The following CTNNA2 variants were observed in gnomAD, a reference collection of about 807,000 sequenced individuals.
The protein encoded by CTNNA2 is catenin alpha-2.
In CTNNA2, 42 loss-of-function variants were observed where a neutral mutation model predicts 101.0. The observed-to-expected ratio is 0.42, with a 90% CI of 0.32 to 0.54. The LOEUF (loss-of-function observed/expected upper bound fraction) is 0.54, where lower values mean the gene tolerates loss of function less well. CTNNA2 is among the 20% of genes least tolerant of loss of function. CTNNA2 has a pLI of 0.14. For missense variants in CTNNA2, 871 were observed against 1,223.1 expected (o/e 0.71, Z 4.29); for synonymous variants, 450 against 456.4 (o/e 0.99, Z 0.18).
At chr2:80,016,318 G>A (rs1694141478) in intron 7 of CTNNA2, among the ~76,000 whole-genome samples, 1 of 152,154 alleles carries the variant, frequency 6.6e-6, no homozygotes, top group Non-Finnish European at 1.5e-5. Flanking sequence ...TTGGAAGGCA[G>A]GGCGACAGTG....
intron 2 of CTNNA2, among the ~76,000 whole-genome samples, chr2:79,243,001 C>CACACACAT (rs748540802): frequency 0.077 from 9,433 of 121,972 alleles, 506 homozygotes; most frequent in Non-Finnish European, 0.11. Context: ...TATACACACA[C>CACACACAT]ACACACACAC....
At chr2:79,917,191 C>G (rs1021048064) in intron 7 of CTNNA2, among the ~76,000 whole-genome samples, 1 of 151,998 alleles carries the variant, frequency 6.6e-6, no homozygotes, top group African/African-American at 2.4e-5. Context: ...CCTGCCTCAG[C>G]CTGCCGAGTA....
intron 11 of CTNNA2, among the ~76,000 whole-genome samples, chr2:80,555,480 G>A (rs1692951135): frequency 6.6e-6 from 1 of 152,188 alleles, no homozygotes; most frequent in Non-Finnish European, 1.5e-5. Context: ...GGCACCTAGC[G>A]ATCTATGTGA....
chr2:80,565,752 T>C (rs1417379787), intron 12 of CTNNA2, among the ~76,000 whole-genome samples: 3 of 152,150 alleles, frequency 2.0e-5, no homozygotes, highest in Admixed American at 2.0e-4. Context: ...ATAATGTATT[T>C]GTGTTATTTA....
intron 8 of CTNNA2, among the ~76,000 whole-genome samples, chr2:80,417,424 G>A (rs959585116): frequency 6.6e-6 from 1 of 151,474 alleles, no homozygotes; most frequent in African/African-American, 2.4e-5. Context: ...GGACCCCCTG[G>A]TAGCCCTGTA....
rs146589440 is a variant in CTNNA2 at position 80,278,555 on chromosome 2, C to T, written c.1057-114656C>T. On this transcript the variant is annotated intron_variant, in intron 7 of 18. Transcript: ENST00000402739. ...AGGATTCCCAGGAGCAGCCAGAAGG[C>T]ATATCCTGCTGCACAAGTGTTTTCC... Among the ~76,000 whole-genome samples the T allele has an allele frequency of 2.8e-4, 43 of 152,202 alleles. No homozygotes were observed. In the East Asian group the frequency reaches 7.4e-3, roughly 26 times the overall value.
intron 7 of CTNNA2, among the ~76,000 whole-genome samples, chr2:80,275,574 A>G (rs935295495): frequency 2.0e-5 from 3 of 152,168 alleles, no homozygotes; most frequent in Non-Finnish European, 4.4e-5. Flanking sequence ...AGTAATGAAA[A>G]AGGAGTTGTT....
In CTNNA2 at chr2:79,852,647, A is replaced by G. The variant is rs1398984846; in HGVS notation, c.299-5366A>G. On this transcript the variant is annotated intron_variant, in intron 3 of 18. Transcript: ENST00000402739. ...TCACTCCGTCACCAGGCTGGAGTACAGTGGCACAATCTCTGCTCACTGCAA... is the reference window on the plus strand; with the variant it reads ...TCACTCCGTCACCAGGCTGGAGTACGGTGGCACAATCTCTGCTCACTGCAA... 2.6e-5 allele frequency among the ~76,000 whole-genome samples: 4 copies of G among 152,380 alleles called. No individual in the cohort carries two copies. The South Asian group carries it at 8.3e-4, about 32-fold the overall frequency.
At chr2:80,233,940 G>A (rs1709400162) in intron 7 of CTNNA2, among the ~76,000 whole-genome samples, 1 of 152,162 alleles carries the variant, frequency 6.6e-6, no homozygotes, top group Non-Finnish European at 1.5e-5. Context: ...AAGTACTATA[G>A]AAGTGGTAAA....
chr2:79,894,060 T>TCC lies in CTNNA2; in HGVS notation c.853-15534_853-15533insCC, dbSNP rs1558619753. On this transcript the variant is annotated intron_variant, in intron 6 of 18. Coordinates refer to ENST00000402739, the MANE Select transcript of CTNNA2 (RefSeq NM_001282597.3). ...CTTCTTCTTCTTCTTCTTCTTCTTC[T>TCC]TCTTCCTCCTCCTCCTCCTCCTTCT... is the stretch of plus-strand genomic sequence containing the variant. 3.3e-3 allele frequency among the ~76,000 whole-genome samples: 183 copies of TCC among 55,222 alleles called. 3 individuals carry two copies. Among genetic ancestry groups the TCC allele is most frequent in the African/African-American group, 0.013 (175 of 13,048 alleles). The allele number at this position is 55,222 out of a possible 152,430, so 36.2% of individuals were successfully genotyped here.
intron 4 of CTNNA2, among the ~76,000 whole-genome samples, chr2:79,434,390 T>G (rs1035817839): frequency 4.0e-5 from 6 of 150,560 alleles, no homozygotes; most frequent in Non-Finnish European, 8.9e-5. Flanking sequence ...AGACAGAAAA[T>G]TGGAATTTGG....
At chr2:79,319,385 C>T (rs1457689475) in intron 3 of CTNNA2, among the ~76,000 whole-genome samples, 2 of 152,126 alleles carry the variant, frequency 1.3e-5, no homozygotes, top group African/African-American at 4.8e-5. Context: ...GGAGCTAGAA[C>T]ATGAAGGCTA....
chr2:80,373,160 A>G, intron 7 of CTNNA2, among the ~76,000 whole-genome samples: 1 of 140,280 alleles, frequency 7.1e-6, no homozygotes, highest in South Asian at 2.2e-4. Flanking sequence ...TATGAGTCTC[A>G]GTGTTAATTA....
chr2:80,596,740 C>G (rs756997342), intron 15 of CTNNA2, among the ~76,000 whole-genome samples: 4 of 152,042 alleles, frequency 2.6e-5, no homozygotes, highest in African/African-American at 4.8e-5. Flanking sequence ...ACTTCCAATA[C>G]TATGTTGAAT....
intron 13 of CTNNA2, chr2:80,578,841 T>C (rs944715275): frequency 1.3e-5 from 2 of 152,338 alleles, no homozygotes; most frequent in South Asian, 4.1e-4. Context: ...TCAAATTCTT[T>C]AGCTGAATGC....
intron 7 of CTNNA2, among the ~76,000 whole-genome samples, chr2:80,027,506 A>G (rs1170231829): frequency 6.6e-6 from 1 of 152,222 alleles, no homozygotes; most frequent in East Asian, 1.9e-4. Flanking sequence ...AGAATGGACT[A>G]TGTTGGGACA....
At chr2:80,594,082 T>C (rs1696738705) in intron 15 of CTNNA2, among the ~76,000 whole-genome samples, 1 of 152,258 alleles carries the variant, frequency 6.6e-6, no homozygotes, top group Admixed American at 6.5e-5. Context: ...CATTTTACAT[T>C]CCCACCAGCA....
At chr2:79,699,567 C>A (rs1005738534) in intron 2 of CTNNA2, among the ~76,000 whole-genome samples, 3 of 151,298 alleles carry the variant, frequency 2.0e-5, no homozygotes, top group Non-Finnish European at 2.9e-5. Flanking sequence ...TGGGGTATTC[C>A]CATATGGATC....
intron 1 of CTNNA2, among the ~76,000 whole-genome samples, chr2:79,186,395 T>C (rs1361007880): frequency 1.3e-5 from 2 of 152,214 alleles, no homozygotes; most frequent in Admixed American, 6.5e-5. Flanking sequence ...TCATAAGAGA[T>C]GAGCACTCTA....
Sources: allele counts gnomAD v4.1 joint callset (sites outside exome capture counted in the v4.1 genomes callset), GRCh38; gene constraint gnomAD v4.1.1; transcripts MANE v1.5; gene names NCBI Gene and HGNC (gene_info 2026-07-23, HGNC 2026-07-21).